The following NISCH variants were observed in gnomAD, a reference collection of about 807,000 sequenced individuals.
NISCH encodes nischarin, also known as I-1 receptor candidate protein.
Under a neutral mutation model 138.4 loss-of-function variants are expected in NISCH, and 55 were observed. The observed-to-expected ratio is 0.40, with a 90% CI of 0.32 to 0.50. The LOEUF is 0.50. Among genes scored for constraint, NISCH ranks in the 20% least tolerant of loss-of-function variants. The pLI, the probability that NISCH is intolerant of heterozygous loss-of-function variation, is 0.71. For synonymous variants in NISCH, 860 were observed against 861.5 expected (o/e 1.00, Z 0.03); for missense variants, 1,643 against 2,005.5 (o/e 0.82, Z 3.45).
At chr3:52,473,628 G>A in intron 6 of NISCH, 106 bp from the exon 7 acceptor site, 1 of 697,864 alleles carries the variant, frequency 1.4e-6, no homozygotes, top group South Asian at 2.1e-5. Flanking sequence ...GAGGATTTGG[G>A]TTGCCTGTCA....
Position 52,488,204 on chromosome 3 carries a change from C to T in NISCH, c.2712C>T (p.Ala904=), listed in dbSNP as rs767767072. Residue 904 remains alanine (A), a synonymous_variant, in exon 16 of 21, where the codon GCC becomes GCT. Coordinates refer to ENST00000345716, the MANE Select transcript of NISCH (RefSeq NM_007184.4). ...CGCCCTCTGAGGCCGTCAAGTCCGC[C>T]GCCATCCCCTACTGGCTGTTGCTCA... ...CCAPSEAVKS[A]AIPYWLLLTP... The T allele has an allele frequency of 3.7e-6, 6 of 1,613,010 alleles. No homozygotes were observed. In the South Asian group the frequency reaches 4.4e-5, roughly 12 times the overall value.
At chr3:52,456,707 G>A (rs899399198) in intron 1 of NISCH, among the ~76,000 whole-genome samples, 5 of 152,244 alleles carry the variant, frequency 3.3e-5, no homozygotes, top group African/African-American at 4.8e-5. Context: ...AAGGCAAGGG[G>A]AAGGAATCAG....
chr3:52,457,516 G>C (rs984464370), intron 1 of NISCH, among the ~76,000 whole-genome samples: 4 of 152,212 alleles, frequency 2.6e-5, no homozygotes, highest in African/African-American at 9.6e-5. Flanking sequence ...AGAGGCAGGA[G>C]GTAAAAAACT....
At chr3:52,470,418 A>ATTCCCAGGGAGGAAAT (rs1424630803) in intron 3 of NISCH, 2 of 164,228 alleles carry the variant, frequency 1.2e-5, no homozygotes, top group African/African-American at 4.8e-5. Context: ...AGGGAGGGTT[A>ATTCCCAGGGAGGAAAT]GCTCTGGGTG....
At chr3:52,462,540 C>T (rs1402503225) in intron 3 of NISCH, among the ~76,000 whole-genome samples, 1 of 152,242 alleles carries the variant, frequency 6.6e-6, no homozygotes, top group African/African-American at 2.4e-5. Context: ...CTGTCTGTAT[C>T]CTCTCTGAAA....
rs747881337 is a variant in NISCH at position 52,491,899 on chromosome 3, A to G, written c.3932A>G (p.His1311Arg). ...AAGATGGAGAACTACGAGCTGATCC[A>G]CTCTAGTCGCGTCAAGTTTACCTAC... Reference protein sequence around the residue: ...TGKMENYELIHSSRVKFTYPS... With the variant: ...TGKMENYELIRSSRVKFTYPS... Residue 1311 changes from histidine (H) to arginine (R), a missense_variant, in exon 21 of 21, where the codon CAC (histidine) becomes CGC (arginine). His to Arg is a conservative substitution (Grantham distance 29). Transcript: ENST00000345716. 12 of 1,607,582 alleles carry G rather than the reference A, an allele frequency of 7.5e-6. No homozygotes were observed. The highest frequency in any genetic ancestry group is 1.0e-5 in the Non-Finnish European group (12 of 1,176,234).
At chr3:52,481,004 C>A in intron 13 of NISCH, 1 of 1,411,774 alleles carries the variant, frequency 7.1e-7, no homozygotes, top group Non-Finnish European at 9.2e-7. Flanking sequence ...GGAAAGGACG[C>A]CGCCTGCCCG....
intron 5 of NISCH, 143 bp downstream of exon 5, chr3:52,472,120 G>T: frequency 9.5e-7 from 1 of 1,056,684 alleles, no homozygotes; most frequent in Non-Finnish European, 1.4e-6. Flanking sequence ...TTGGCACTAT[G>T]CTTCTGGCTG....
rs569076258 is a variant in NISCH at position 52,486,240 on chromosome 3, T to C, written c.1703+413T>C. ...TTTTCCTGTCTCAGCCTCAGCCTTC[T>C]GAGTAGCCCGGACCACAGGCGCACG... On this transcript the variant is annotated intron_variant, in intron 15 of 20. Transcript: ENST00000345716. Among the ~76,000 whole-genome samples the C allele has an allele frequency of 8.7e-4, 133 of 152,184 alleles. No homozygotes were observed. The Middle Eastern group carries it at 0.01, about 12-fold the overall frequency.
In NISCH at chr3:52,491,898, C is replaced by T. The variant is rs1354280575; in HGVS notation, c.3931C>T (p.His1311Tyr). 6.2e-7 allele frequency: 1 copy of T among 1,604,802 alleles called. No individual in the cohort carries two copies. Among genetic ancestry groups the T allele is most frequent in the Non-Finnish European group, 8.5e-7 (1 of 1,174,042 alleles). Residue 1311 changes from histidine (H) to tyrosine (Y), a missense_variant, in exon 21 of 21, where the codon CAC (histidine) becomes TAC (tyrosine). By Grantham distance (83) the His-to-Tyr change is moderately conservative (BLOSUM62 2). Coordinates refer to ENST00000345716, the MANE Select transcript of NISCH (RefSeq NM_007184.4). ...GAAGATGGAGAACTACGAGCTGATC[C>T]ACTCTAGTCGCGTCAAGTTTACCTA... is the stretch of plus-strand genomic sequence containing the variant. ...TGKMENYELI[H>Y]SSRVKFTYPS...
chr3:52,478,831 A>G (rs1707180448), intron 11 of NISCH, among the ~76,000 whole-genome samples: 1 of 152,166 alleles, frequency 6.6e-6, no homozygotes, highest in South Asian at 2.1e-4. Flanking sequence ...TCCTTAAAAT[A>G]TTCATATCTC....
intron 3 of NISCH, among the ~76,000 whole-genome samples, chr3:52,469,921 G>GAA (rs985292106): frequency 7.0e-5 from 6 of 85,554 alleles, no homozygotes; most frequent in Admixed American, 1.3e-4. Context: ...TCTCAAAAAA[G>GAA]AAAAAAAAAA....
chr3:52,487,647 C>G lies in NISCH; in HGVS notation c.2155C>G (p.Gln719Glu), dbSNP rs1222000872. ...KVLWCFLIHVQGSIRQFAACL... is the reference protein window; with the variant it reads ...KVLWCFLIHVEGSIRQFAACL... ...GCTGTGGTGCTTCCTGATCCATGTGCAGGGCAGTATCCGCCAGTTCGCCGC... is the reference window on the plus strand; with the variant it reads ...GCTGTGGTGCTTCCTGATCCATGTGGAGGGCAGTATCCGCCAGTTCGCCGC... The change falls in exon 16 of 21, where the codon CAG (glutamine) becomes GAG (glutamate). Residue 719 changes from glutamine (Q) to glutamate (E), a missense_variant. Transcript: ENST00000345716. This position sits in a 1 kb window ranked among gnomAD's most constrained non-coding sequence, Gnocchi z 9.1. 1 of 1,613,754 alleles carries G rather than the reference C, an allele frequency of 6.2e-7. No homozygotes were observed. The highest frequency in any genetic ancestry group is 1.3e-5 in the African/African-American group (1 of 74,908).
chr3:52,481,806 G>C, intron 13 of NISCH: 1 of 985,470 alleles, frequency 1.0e-6, no homozygotes, highest in Non-Finnish European at 1.2e-6. Flanking sequence ...TTGTGCCCTG[G>C]GGACACTCTG....
Position 52,487,919 on chromosome 3 carries a change from A to T in NISCH, c.2427A>T (p.Ser809=). ...NLHEFHADLR[S]CFAPQHMAML... ...ACGAGTTCCACGCGGACCTGCGCTC[A>T]TGCTTTGCACCCCAGCACATGGCCA... is the stretch of plus-strand genomic sequence containing the variant. The change falls in exon 16 of 21, where the codon TCA becomes TCT. Residue 809 remains serine (S), a synonymous_variant. Transcript: ENST00000345716. This position sits in a 1 kb window ranked among gnomAD's most constrained non-coding sequence, Gnocchi z 9.1. 1 of 1,611,732 alleles carries T rather than the reference A, an allele frequency of 6.2e-7. No homozygotes were observed. The highest frequency in any genetic ancestry group is 8.5e-7 in the Non-Finnish European group (1 of 1,179,902).
intron 3 of NISCH, among the ~76,000 whole-genome samples, chr3:52,465,594 C>T (rs544891592): frequency 2.6e-5 from 4 of 152,294 alleles, no homozygotes; most frequent in South Asian, 2.1e-4. Flanking sequence ...CTCCTGGACG[C>T]GTGGTGACAG....
At chr3:52,469,941 G>C (rs1330817189) in intron 3 of NISCH, among the ~76,000 whole-genome samples, 1 of 151,290 alleles carries the variant, frequency 6.6e-6, no homozygotes, top group Admixed American at 6.6e-5. Context: ...AAAAAAAGCA[G>C]GTTGTGCTGA....
rs758392219 is a variant in NISCH, at chr3:52,490,798, A to G, written c.3707A>G (p.Asn1236Ser). The change falls in exon 19 of 21, where the codon AAT (asparagine) becomes AGT (serine). Residue 1236 changes from asparagine (N) to serine (S), a missense_variant. Asn to Ser is a conservative substitution (Grantham distance 46). Coordinates refer to ENST00000345716, the MANE Select transcript of NISCH (RefSeq NM_007184.4). Reference sequence around the variant, plus strand: ...AAGCTTAGTGACCTGCAGTCAGTCAATGTGGGGCTTTTCGACCAGCATTTC... The same window carrying G: ...AAGCTTAGTGACCTGCAGTCAGTCAGTGTGGGGCTTTTCGACCAGCATTTC... ...VLKLSDLQSV[N>S]VGLFDQHFRL... 13 of 1,614,046 alleles carry G rather than the reference A, an allele frequency of 8.1e-6. No homozygotes were observed. The highest frequency in any genetic ancestry group is 4.5e-5 in the East Asian group (2 of 44,902).
At chr3:52,491,201 T>G (rs1707552242) in intron 19 of NISCH, 151 bp from the exon 20 acceptor site, 1 of 1,250,842 alleles carries the variant, frequency 8.0e-7, no homozygotes, top group South Asian at 1.7e-5. Flanking sequence ...AGGAATGGCC[T>G]CCTCCCGGGC....
Sources: gnomAD v4.1 joint callset for allele counts (sites outside exome capture counted in the v4.1 genomes callset) on GRCh38, gnomAD v4.1.1 for gene constraint, Gnocchi (gnomAD v3.1) non-coding constraint, MANE v1.5 for transcripts, NCBI Gene and HGNC (gene_info 2026-07-23, HGNC 2026-07-21) for gene names.